FAM210A: variants seen among roughly 807,000 people sequenced by gnomAD.
The protein encoded by FAM210A is mitochondrial inner membrane scaffold 1.
Under a neutral mutation model 25.3 loss-of-function variants are expected in FAM210A, and 13 were observed. The ratio of observed to expected loss-of-function variants is 0.51; its 90% CI spans 0.33 to 0.82. The LOEUF (loss-of-function observed/expected upper bound fraction) is 0.82. Ranked by LOEUF, FAM210A falls within the 40% of genes least tolerant of loss-of-function variation. The probability of loss-of-function intolerance (pLI) is 0.02; values close to 1 mark genes in which losing one functional copy is unlikely to be tolerated. For missense variants in FAM210A, 319 were observed against 323.2 expected (o/e 0.99, Z 0.10); for synonymous variants, 125 against 118.7 (o/e 1.05, Z -0.35).
At chr18:13,698,940 C>G (rs2043717488) in intron 1 of FAM210A, among the ~76,000 whole-genome samples, 1 of 152,224 alleles carries the variant, frequency 6.6e-6, no homozygotes. Flanking sequence ...GCTGTAGAGC[C>G]GCCCTCTTTC....
At position 13,663,556 on chromosome 18, in the gene FAM210A, C is replaced by G. The variant is rs756132496; in HGVS notation, c.*2924G>C. 1.3e-5 allele frequency: 2 copies of G among 152,120 alleles called. No individual in the cohort carries two copies. The highest frequency in any genetic ancestry group is 4.8e-5 in the African/African-American group (2 of 41,408). 9.4% of individuals were successfully genotyped at this position (152,120 alleles called of 1,614,324 possible). A position where few individuals can be genotyped will look rare whatever the true frequency, so the allele number is the denominator to read the frequency against. The stretch of plus-strand genomic sequence containing the variant: ...CTCTCACCTAATCCATCTTTCATTT[C>G]AAATATCAATTTGCTTAGCAAACCC... On this transcript the variant is annotated 3_prime_UTR_variant, in exon 4 of 4. Coordinates refer to ENST00000651643, the MANE Select transcript of FAM210A (RefSeq NM_152352.4).
chr18:13,682,350 T>C (rs559165122), intron 1 of FAM210A, among the ~76,000 whole-genome samples: 1 of 152,328 alleles, frequency 6.6e-6, no homozygotes. Flanking sequence ...GTGGATCACC[T>C]GAGATCAGGA....
At chr18:13,689,642 C>T (rs1419468638) in intron 1 of FAM210A, among the ~76,000 whole-genome samples, 1 of 152,132 alleles carries the variant, frequency 6.6e-6, no homozygotes, top group Non-Finnish European at 1.5e-5. Flanking sequence ...CAACATCATA[C>T]TGCAATTCCC....
rs760768896 is a variant in FAM210A, at chr18:13,682,037, C to A, written c.41G>T (p.Arg14Leu). 6.2e-7 allele frequency: 1 copy of A among 1,610,968 alleles called. No homozygotes were observed. Among genetic ancestry groups the A allele is most frequent in the Non-Finnish European group, 8.5e-7 (1 of 1,178,198 alleles). ...ATTATGTGGTTCCAAGCATGTCCTG[C>A]GTGCCAGTCGAGATACAGTCCGTGG... ...NVPRTVSRLA[R>L]RTCLEPHNAG... Residue 14 changes from arginine to leucine, a missense_variant, in exon 2 of 4, where the codon CGC becomes CTC. Arg to Leu is a moderately radical substitution (Grantham distance 102). Coordinates refer to ENST00000651643, the MANE Select transcript of FAM210A (RefSeq NM_152352.4).
chr18:13,675,220 A>G (rs61516621), intron 2 of FAM210A, among the ~76,000 whole-genome samples: 119 of 123,170 alleles, frequency 9.7e-4, no homozygotes, highest in Non-Finnish European at 1.5e-3. Context: ...TGGCTTCTTT[A>G]TTTCCTGTTT....
chr18:13,695,231 T>A (rs1478137640), intron 1 of FAM210A, among the ~76,000 whole-genome samples: 1 of 152,154 alleles, frequency 6.6e-6, no homozygotes, highest in Admixed American at 6.5e-5. Context: ...CTGGAGAGGA[T>A]GTGGAGAAAT....
At chr18:13,720,620 C>G (rs1206292009) in intron 1 of FAM210A, among the ~76,000 whole-genome samples, 3 of 152,154 alleles carry the variant, frequency 2.0e-5, no homozygotes, top group African/African-American at 7.2e-5. Flanking sequence ...TTCTTGCCCA[C>G]CAGGTCCAAT....
rs2043384684 is a variant in FAM210A at position 13,664,555 on chromosome 18, T to A, written c.*1925A>T. On this transcript the variant is annotated 3_prime_UTR_variant, in exon 4 of 4. Transcript: ENST00000651643. ...TGTTAATCATGTTTAGATTTGAAAA[T>A]GTGGCATCAATGTGAAGCAGTGCAT... 1 of 152,206 alleles carries A rather than the reference T, an allele frequency of 6.6e-6. No individual in the cohort carries two copies. Among genetic ancestry groups the A allele is most frequent in the Non-Finnish European group, 1.5e-5 (1 of 68,036 alleles). The allele number at this position is 152,206 out of a possible 1,614,324, so 9.4% of individuals were successfully genotyped here. A position where few individuals can be genotyped will look rare whatever the true frequency, so the allele number is the denominator to read the frequency against.
At chr18:13,705,210 C>T (rs1250614232) in intron 1 of FAM210A, among the ~76,000 whole-genome samples, 1 of 152,076 alleles carries the variant, frequency 6.6e-6, no homozygotes, top group Non-Finnish European at 1.5e-5. Flanking sequence ...AAATGAACTC[C>T]ATAGTCTAAG....
chr18:13,673,555 C>T lies in FAM210A; in HGVS notation c.474-1582G>A, dbSNP rs75639691. ...CCTGATTATTAACATTCCTGAGCCC[C>T]GACTTCTTTATTTCCAGTTTCCTGA... On this transcript the variant is annotated intron_variant, in intron 2 of 3. Coordinates refer to ENST00000651643, the MANE Select transcript of FAM210A (RefSeq NM_152352.4). Among the ~76,000 whole-genome samples, 141 of 149,238 alleles carry T rather than the reference C, an allele frequency of 9.4e-4. 1 individual carries two copies. The highest frequency in any genetic ancestry group is 2.3e-3 in the African/African-American group (94 of 40,256).
chr18:13,681,151 C>G (rs993834192), intron 2 of FAM210A, among the ~76,000 whole-genome samples: 4 of 152,124 alleles, frequency 2.6e-5, no homozygotes, highest in African/African-American at 9.7e-5. Flanking sequence ...TGCCAAATTT[C>G]TGAAATTTGA....
At chr18:13,714,184 C>T (rs559907134) in intron 1 of FAM210A, among the ~76,000 whole-genome samples, 123 of 152,286 alleles carry the variant, frequency 8.1e-4, no homozygotes, top group Non-Finnish European at 1.6e-3. Context: ...AGTTTACAAT[C>T]TAGTTATAAA....
At chr18:13,679,279 G>T (rs1394854100) in intron 2 of FAM210A, among the ~76,000 whole-genome samples, 2 of 152,106 alleles carry the variant, frequency 1.3e-5, no homozygotes, top group African/African-American at 4.8e-5. Context: ...ATAGTAAGTA[G>T]GCAACAAGCA....
chr18:13,710,936 C>G (rs537536810), intron 1 of FAM210A, among the ~76,000 whole-genome samples: 67 of 152,332 alleles, frequency 4.4e-4, no homozygotes, highest in East Asian at 4.2e-3. Context: ...GTTTTCCATG[C>G]AGTGGGCAGG....
At chr18:13,724,623 T>G (rs2043919386) in intron 1 of FAM210A, among the ~76,000 whole-genome samples, 1 of 152,194 alleles carries the variant, frequency 6.6e-6, no homozygotes, top group South Asian at 2.1e-4. Context: ...ATTAACTGCT[T>G]TCAAGAATCC....
intron 1 of FAM210A, among the ~76,000 whole-genome samples, chr18:13,691,452 T>G (rs2043643895): frequency 6.6e-6 from 1 of 152,050 alleles, no homozygotes; most frequent in South Asian, 2.1e-4. Context: ...GACACATAAT[T>G]GTCAGATTCG....
At chr18:13,692,092 A>G (rs113969100) in intron 1 of FAM210A, among the ~76,000 whole-genome samples, 49 of 150,658 alleles carry the variant, frequency 3.3e-4, no homozygotes, top group Admixed American at 4.0e-4. Flanking sequence ...AAAAAAAGGC[A>G]GGGGTTGCAA....
At chr18:13,710,841 T>C (rs1345302115) in intron 1 of FAM210A, among the ~76,000 whole-genome samples, 3 of 152,202 alleles carry the variant, frequency 2.0e-5, no homozygotes, top group Non-Finnish European at 4.4e-5. Flanking sequence ...GGAGAATGAT[T>C]TGAGTAATAA....
At chr18:13,667,029 T>TA (rs1458963019) in intron 3 of FAM210A, among the ~76,000 whole-genome samples, 2 of 152,222 alleles carry the variant, frequency 1.3e-5, no homozygotes, top group African/African-American at 4.8e-5. Flanking sequence ...GAGGACTCAG[T>TA]ACCAGTAAAA....
Sources: allele counts gnomAD v4.1 joint callset (sites outside exome capture counted in the v4.1 genomes callset), GRCh38; gene constraint gnomAD v4.1.1; transcripts MANE v1.5; gene names NCBI Gene and HGNC (gene_info 2026-07-23, HGNC 2026-07-21).